The following SLC16A12 variants were observed in gnomAD, a reference collection of about 807,000 sequenced individuals.
The protein encoded by SLC16A12 is solute carrier family 16 member 12, also known as monocarboxylate transporter 12.
In SLC16A12, 17 loss-of-function variants were observed where a neutral mutation model predicts 42.4. That is an observed-to-expected ratio of 0.40 (90% confidence interval 0.27 to 0.60). SLC16A12 has a LOEUF of 0.60. Ranked by LOEUF, SLC16A12 falls within the 20% of genes least tolerant of loss-of-function variation. SLC16A12 has a pLI of 0.42. For missense variants in SLC16A12, 544 were observed against 623.0 expected, an observed-to-expected ratio of 0.87 and a Z score of 1.35; for synonymous variants, 224 against 229.4, an observed-to-expected ratio of 0.98 and a Z score of 0.21.
chr10:89,465,875 G>A (rs1176767892), intron 2 of SLC16A12, among the ~76,000 whole-genome samples: 1 of 152,186 alleles, frequency 6.6e-6, no homozygotes, highest in African/African-American at 2.4e-5. Context: ...GAGCTATGGA[G>A]AGAAGTCCTC....
At position 89,436,328 on chromosome 10, in the gene SLC16A12, T is replaced by G. The variant is rs986975967; in HGVS notation, c.1029-9A>C. The G allele has an allele frequency of 6.2e-7, 1 of 1,614,046 alleles. No individual in the cohort carries two copies. The highest frequency in any genetic ancestry group is 1.1e-5 in the South Asian group (1 of 91,084). On this transcript the variant is annotated splice_polypyrimidine_tract_variant and intron_variant, in intron 6 of 7. Coordinates refer to ENST00000371790, the MANE Select transcript of SLC16A12 (RefSeq NM_213606.4). ...GGTAATTCTTCAGACACCTGTAGATTTGAAGAACAAGAATAAGTGCAGGAG... is the reference window on the plus strand; with the variant it reads ...GGTAATTCTTCAGACACCTGTAGATGTGAAGAACAAGAATAAGTGCAGGAG...
At chr10:89,437,510 C>T (rs1484651109) in intron 6 of SLC16A12, among the ~76,000 whole-genome samples, 1 of 151,870 alleles carries the variant, frequency 6.6e-6, no homozygotes. Context: ...GGAGCAAAGC[C>T]AGTGCAAGAA....
At chr10:89,491,463 C>T (rs1410990291) in intron 2 of SLC16A12, among the ~76,000 whole-genome samples, 2 of 151,768 alleles carry the variant, frequency 1.3e-5, no homozygotes, top group Admixed American at 1.3e-4. Context: ...TAAGATTGTG[C>T]CCTATTTTCC....
At chr10:89,466,150 T>G (rs1842393604) in intron 2 of SLC16A12, among the ~76,000 whole-genome samples, 1 of 152,190 alleles carries the variant, frequency 6.6e-6, no homozygotes, top group African/African-American at 2.4e-5. Context: ...GAGGTAATAA[T>G]TTTACTTTCA....
chr10:89,537,061 A>G (rs572764518), upstream of SLC16A12, among the ~76,000 whole-genome samples: 3 of 150,678 alleles, frequency 2.0e-5, no homozygotes, highest in South Asian at 6.3e-4. Context: ...CTGATCTCGA[A>G]CTCCTGACCT....
chr10:89,443,607 T>A, intron 4 of SLC16A12, 149 bp downstream of exon 4: 1 of 681,086 alleles, frequency 1.5e-6, no homozygotes, highest in Non-Finnish European at 2.6e-6. Context: ...AAGATAGGAT[T>A]GATCTTTTCT....
Position 89,445,583 on chromosome 10 carries a change from C to T in SLC16A12, c.201-1724G>A, listed in dbSNP as rs549711154. On this transcript the variant is annotated intron_variant, in intron 3 of 7. Transcript: ENST00000371790. ...ACGTCAACAAAAAGGACATCCACACCGAAACCCCATCTGTAGGTCACTAAC... is the reference window on the plus strand; with the variant it reads ...ACGTCAACAAAAAGGACATCCACACTGAAACCCCATCTGTAGGTCACTAAC... Among the ~76,000 whole-genome samples the T allele has an allele frequency of 9.8e-4, 149 of 152,210 alleles. No individual in the cohort carries two copies. The Middle Eastern group carries it at 0.01, about 10-fold the overall frequency.
In SLC16A12 at chr10:89,541,061, A is replaced by G. The variant is rs546629402; in HGVS notation, c.-47+14821T>C. Reference sequence around the variant, plus strand: ...CTCAGCCTCCTGAGTAGCTGGGACTATAGGTGCCCACCACCACGCCAGGCT... The same window carrying G: ...CTCAGCCTCCTGAGTAGCTGGGACTGTAGGTGCCCACCACCACGCCAGGCT... On this transcript the variant is annotated intron_variant, in intron 2 of 2. Transcript: ENST00000475682. Among the ~76,000 whole-genome samples the G allele has an allele frequency of 3.6e-3, 544 of 151,640 alleles. 1 individual carries two copies. Among genetic ancestry groups the G allele is most frequent in the Non-Finnish European group, 5.1e-3 (346 of 67,960 alleles).
intron 7 of SLC16A12, among the ~76,000 whole-genome samples, chr10:89,434,187 T>TAC (rs1217179273): frequency 2.0e-5 from 3 of 152,178 alleles, no homozygotes; most frequent in Non-Finnish European, 4.4e-5. Context: ...CTCAAATATT[T>TAC]TAGTTATTGT....
In SLC16A12 at chr10:89,534,616, C is replaced by A. The variant is rs1418447470; in HGVS notation, c.-162G>T. The A allele has an allele frequency of 7.4e-6, 1 of 135,622 alleles. No homozygotes were observed. Among genetic ancestry groups the A allele is most frequent in the African/African-American group, 2.9e-5 (1 of 34,040 alleles). The allele number at this position is 135,622 out of a possible 1,614,324, so 8.4% of individuals were successfully genotyped here. A position where few individuals can be genotyped will look rare whatever the true frequency, so the allele number is the denominator to read the frequency against. On this transcript the variant is annotated 5_prime_UTR_variant, in exon 2 of 8. Transcript: ENST00000371790. ...TGAGCCCAGGAGCTCGAGAGCAAAC[C>A]GGCCAATATGTCGAAATCCTGTATC...
upstream of SLC16A12, among the ~76,000 whole-genome samples, chr10:89,540,498 C>A (rs1437266644): frequency 1.3e-5 from 2 of 152,090 alleles, no homozygotes; most frequent in Non-Finnish European, 2.9e-5. Flanking sequence ...TTCCACTGTC[C>A]TTTCTTAATG....
chr10:89,489,904 AG>A (rs896566165), intron 2 of SLC16A12, among the ~76,000 whole-genome samples: 1 of 152,220 alleles, frequency 6.6e-6, no homozygotes, highest in Non-Finnish European at 1.5e-5. Flanking sequence ...GGATCAAAAA[AG>A]TCATTATAGT....
chr10:89,552,255 T>C (rs1843775394), intron 2 of SLC16A12, among the ~76,000 whole-genome samples: 1 of 152,186 alleles, frequency 6.6e-6, no homozygotes, highest in South Asian at 2.1e-4. Context: ...GTATTAATGT[T>C]GATTTGTAAG....
chr10:89,460,571 A>C (rs1842282054), intron 3 of SLC16A12, among the ~76,000 whole-genome samples: 1 of 151,828 alleles, frequency 6.6e-6, no homozygotes, highest in Non-Finnish European at 1.5e-5. Flanking sequence ...TAAAAATACA[A>C]AAATTAGCCA....
chr10:89,530,503 C>T (rs916042747), intron 2 of SLC16A12, among the ~76,000 whole-genome samples: 5 of 151,776 alleles, frequency 3.3e-5, no homozygotes, highest in South Asian at 2.1e-4. Context: ...CTGCAAGCTC[C>T]GCCTCCTGGG....
At chr10:89,543,101 G>A (rs917510130) in intron 2 of SLC16A12, among the ~76,000 whole-genome samples, 1 of 152,182 alleles carries the variant, frequency 6.6e-6, no homozygotes, top group Non-Finnish European at 1.5e-5. Flanking sequence ...TCCCTTGAAA[G>A]GCATTTACAA....
At chr10:89,479,964 T>A (rs1413398709) in intron 2 of SLC16A12, among the ~76,000 whole-genome samples, 1 of 152,172 alleles carries the variant, frequency 6.6e-6, no homozygotes, top group African/African-American at 2.4e-5. Flanking sequence ...TGAGGCTGGG[T>A]GTGAAAAATG....
intron 2 of SLC16A12, among the ~76,000 whole-genome samples, chr10:89,479,553 A>T (rs1842632161): frequency 6.6e-6 from 1 of 152,124 alleles, no homozygotes; most frequent in Non-Finnish European, 1.5e-5. Context: ...TTTGATCTTC[A>T]TCTGTTTAAT....
intron 4 of SLC16A12, among the ~76,000 whole-genome samples, chr10:89,441,627 C>T (rs1344698269): frequency 6.6e-6 from 1 of 152,090 alleles, no homozygotes; most frequent in African/African-American, 2.4e-5. Context: ...ATAATGGTGA[C>T]AGTTAATTGC....
Sources: allele counts gnomAD v4.1 joint callset (sites outside exome capture counted in the v4.1 genomes callset), GRCh38; gene constraint gnomAD v4.1.1; transcripts MANE v1.5; gene names NCBI Gene and HGNC (gene_info 2026-07-23, HGNC 2026-07-21).